The following MYT1L variants were observed in gnomAD, a reference collection of about 807,000 sequenced individuals.
The protein encoded by MYT1L is myelin transcription factor 1-like protein.
Under a neutral mutation model 126.7 loss-of-function variants are expected in MYT1L, and 12 were observed. The observed-to-expected ratio is 0.09, with a 90% CI of 0.06 to 0.15. The LOEUF (loss-of-function observed/expected upper bound fraction) is 0.15. MYT1L is among the 10% of genes least tolerant of loss of function. The pLI, the probability that MYT1L is intolerant of heterozygous loss-of-function variation, is 1.00. For missense variants in MYT1L, 979 were observed against 1,585.2 expected (o/e 0.62, Z 6.49); for synonymous variants, 541 against 604.2 (o/e 0.90, Z 1.53).
intron 3 of MYT1L, among the ~76,000 whole-genome samples, chr2:2,135,713 A>G (rs1000644405): frequency 1.3e-5 from 2 of 152,244 alleles, no homozygotes; most frequent in African/African-American, 4.8e-5. Context: ...GGAAAAAGCC[A>G]TAATCATGCC....
intron 3 of MYT1L, among the ~76,000 whole-genome samples, chr2:2,097,152 G>A (rs867871933): frequency 3.9e-5 from 6 of 152,064 alleles, no homozygotes; most frequent in African/African-American, 9.7e-5. Context: ...TCATTGCTCC[G>A]TGGCACTTTC....
intron 8 of MYT1L, among the ~76,000 whole-genome samples, chr2:1,949,467 T>C (rs1238037394): frequency 6.6e-6 from 1 of 152,202 alleles, no homozygotes; most frequent in Non-Finnish European, 1.5e-5. Context: ...AGTTCTTTTG[T>C]GGTTAACTCG....
At chr2:2,123,274 A>G (rs942767551) in intron 3 of MYT1L, among the ~76,000 whole-genome samples, 1 of 152,208 alleles carries the variant, frequency 6.6e-6, no homozygotes, top group Non-Finnish European at 1.5e-5. Flanking sequence ...TCTTCTTTCC[A>G]GAAAAGAAAT....
chr2:1,874,927 CCTTT>C (rs2046711063), intron 18 of MYT1L, among the ~76,000 whole-genome samples: 1 of 152,226 alleles, frequency 6.6e-6, no homozygotes, highest in African/African-American at 2.4e-5. Context: ...CAGGCAGCCT[CCTTT>C]CTGAGGTCAC....
At chr2:1,997,535 G>A (rs993345396) in intron 4 of MYT1L, among the ~76,000 whole-genome samples, 188 bp from the exon 5 acceptor site, 1 of 152,204 alleles carries the variant, frequency 6.6e-6, no homozygotes, top group Non-Finnish European at 1.5e-5. Flanking sequence ...TAGGCTTGAC[G>A]CCTGCTGTTC....
chr2:1,924,129 T>C (rs968974848), intron 9 of MYT1L, among the ~76,000 whole-genome samples: 2 of 152,188 alleles, frequency 1.3e-5, no homozygotes, highest in African/African-American at 4.8e-5. Context: ...GCGGGTATAA[T>C]GTGTGAGTAA....
rs56018033 is a variant in MYT1L, at chr2:1,811,762, G to A, written c.3081-2595C>T. ...GAACGAACCCCTCGCGTTCCGGAGG[G>A]AACAGGCTCCTCTTCAGTCCTCCCT... On this transcript the variant is annotated intron_variant, in intron 21 of 24. Transcript: ENST00000647738. This position sits in a 1 kb window ranked among gnomAD's most constrained non-coding sequence, Gnocchi z 4.4. 0.034 allele frequency among the ~76,000 whole-genome samples: 5,142 copies of A among 152,190 alleles called. 116 individuals are homozygous for A. Among genetic ancestry groups the A allele is most frequent in the East Asian group, 0.067 (345 of 5,164 alleles).
intron 9 of MYT1L, among the ~76,000 whole-genome samples, chr2:1,931,451 G>C (rs1394871397): frequency 6.6e-6 from 1 of 151,342 alleles, no homozygotes; most frequent in African/African-American, 2.4e-5. Context: ...GCTGCGCCTT[G>C]CAAGTACTTC....
In MYT1L at chr2:2,260,525, T is replaced by C. The variant is rs1170449106; in HGVS notation, c.-421+23879A>G. Reference sequence around the variant, plus strand: ...CATACTTCTAATTTTGCAAGGCTGATAGCAGAACTATCACCTACTTCAGCC... The same window carrying C: ...CATACTTCTAATTTTGCAAGGCTGACAGCAGAACTATCACCTACTTCAGCC... On this transcript the variant is annotated intron_variant, in intron 2 of 24. Transcript: ENST00000647738. Among the ~76,000 whole-genome samples the C allele has an allele frequency of 2.0e-5, 3 of 152,236 alleles. No individual in the cohort carries two copies. The South Asian group carries it at 6.2e-4, about 31-fold the overall frequency.
At chr2:2,276,881 C>T (rs537444631) in intron 2 of MYT1L, among the ~76,000 whole-genome samples, 3 of 152,332 alleles carry the variant, frequency 2.0e-5, no homozygotes, top group Non-Finnish European at 4.4e-5. Context: ...CAAAGGAACA[C>T]TCCTGTCCCC....
intron 3 of MYT1L, among the ~76,000 whole-genome samples, chr2:2,058,097 A>C (rs2069851551): frequency 6.6e-6 from 1 of 152,178 alleles, no homozygotes; most frequent in Non-Finnish European, 1.5e-5. Flanking sequence ...CTTAGTCAAA[A>C]TTTGGTGTTT....
intron 18 of MYT1L, 147 bp from the exon 19 acceptor site, chr2:1,851,850 G>A: frequency 1.4e-6 from 1 of 737,140 alleles, no homozygotes. Flanking sequence ...GCTCCCTCAT[G>A]GAGCTGGAAG....
At chr2:1,942,666 A>G (rs1325785984) in intron 9 of MYT1L, among the ~76,000 whole-genome samples, 2 of 152,208 alleles carry the variant, frequency 1.3e-5, no homozygotes, top group African/African-American at 4.8e-5. Context: ...GTAAAATTAA[A>G]GACCAGGTCG....
At chr2:2,274,616 A>G (rs750860948) in intron 2 of MYT1L, among the ~76,000 whole-genome samples, 1 of 152,224 alleles carries the variant, frequency 6.6e-6, no homozygotes, top group Non-Finnish European at 1.5e-5. Flanking sequence ...GAGTAGCCTG[A>G]GAAAGAAGGT....
intron 21 of MYT1L, among the ~76,000 whole-genome samples, chr2:1,826,295 C>T (rs536872391): frequency 2.0e-4 from 30 of 152,326 alleles, no homozygotes; most frequent in South Asian, 1.9e-3. Flanking sequence ...CCTGCGCTGG[C>T]GCAGAGGGCC....
At chr2:2,303,330 A>G (rs1442032381) in intron 1 of MYT1L, among the ~76,000 whole-genome samples, 1 of 152,094 alleles carries the variant, frequency 6.6e-6, no homozygotes, top group African/African-American at 2.4e-5. Context: ...GGGCACCTTT[A>G]CTTCTTACTG....
chr2:1,878,419 T>C (rs1158095932), intron 18 of MYT1L, among the ~76,000 whole-genome samples: 1 of 152,214 alleles, frequency 6.6e-6, no homozygotes, highest in Non-Finnish European at 1.5e-5. Flanking sequence ...AGAAATGGAA[T>C]ATTCCTACAC....
rs1558567744 is a variant in MYT1L at position 1,793,225 on chromosome 2, C to T, written c.3277-761G>A. ...AAAAGGCCCACCACGGACCCTTCCT[C>T]GCATATTCCAGAGATAATTTAAGTA... On this transcript the variant is annotated intron_variant, in intron 23 of 24. Transcript: ENST00000647738. The surrounding 1 kb of genome is among the most constrained non-coding windows in gnomAD (Gnocchi z 4.6). 6.6e-6 allele frequency among the ~76,000 whole-genome samples: 1 copy of T among 152,198 alleles called. No homozygotes were observed. Among genetic ancestry groups the T allele is most frequent in the Admixed American group, 6.5e-5 (1 of 15,288 alleles).
At chr2:2,231,395 G>A (rs572352280) in intron 2 of MYT1L, among the ~76,000 whole-genome samples, 10 of 152,296 alleles carry the variant, frequency 6.6e-5, no homozygotes, top group African/African-American at 2.4e-4. Flanking sequence ...TACTGCCTAA[G>A]ATTTTCAAGG....
Sources: allele counts gnomAD v4.1 joint callset (sites outside exome capture counted in the v4.1 genomes callset), GRCh38; gene constraint gnomAD v4.1.1; non-coding constraint Gnocchi (gnomAD v3.1); transcripts MANE v1.5; gene names NCBI Gene and HGNC (gene_info 2026-07-23, HGNC 2026-07-21).